Variants in TTC7B observed in about 807,000 individuals in gnomAD.
TTC7B encodes tetratricopeptide repeat domain 7B, also known as tetratricopeptide repeat protein 7B.
In TTC7B, 28 loss-of-function variants were observed where a neutral mutation model predicts 106.8. The ratio of observed to expected loss-of-function variants is 0.26; its 90% CI spans 0.19 to 0.36. The LOEUF (loss-of-function observed/expected upper bound fraction) is 0.36, where lower values mean the gene tolerates loss of function less well. TTC7B is among the 10% of genes least tolerant of loss of function. TTC7B has a pLI of 1.00. For synonymous variants in TTC7B, 405 were observed against 430.6 expected, an observed-to-expected ratio of 0.94 and a Z score of 0.74; for missense variants, 862 against 1,076.4, an observed-to-expected ratio of 0.80 and a Z score of 2.79.
intron 5 of TTC7B, among the ~76,000 whole-genome samples, chr14:90,703,873 G>C (rs1009351388): frequency 1.6e-4 from 24 of 152,230 alleles, no homozygotes; most frequent in African/African-American, 5.8e-4. Context: ...TCAGGAGTGG[G>C]ACCAGATAAC....
intron 5 of TTC7B, among the ~76,000 whole-genome samples, chr14:90,703,927 A>C (rs1423951401): frequency 6.6e-6 from 1 of 152,198 alleles, no homozygotes. Flanking sequence ...GAGAGAAGAC[A>C]AAAAGGGCAA....
At position 90,695,518 on chromosome 14, in the gene TTC7B, C is replaced by T. The variant is rs10146731; in HGVS notation, c.759G>A (p.Thr253=). Residue 253 remains threonine (T), a synonymous_variant, in exon 6 of 20, where the codon ACG becomes ACA. Transcript: ENST00000328459. ...RELLRAVETR[T]TQNLRMTIAR... ...CACTTACCATTCGCAGGTTTTGAGT[C>T]GTTCTTGTTTCAACTGCTCTGAGAA... The T allele has an allele frequency of 0.65, 1,031,126 of 1,588,718 alleles. 336,805 individuals carry two copies. The highest frequency in any genetic ancestry group is 0.71 in the Admixed American group (39,501 of 55,994).
chr14:90,629,915 A>G lies in TTC7B; in HGVS notation c.1752-11870T>C, dbSNP rs188893460. ...CTCCAGCATCTTTGGAAAAAAAACT[A>G]GAAAAGGGAACTTCCCTGGAAAGGA... On this transcript the variant is annotated intron_variant, in intron 15 of 19. Coordinates refer to ENST00000328459, the MANE Select transcript of TTC7B (RefSeq NM_001010854.2). Among the ~76,000 whole-genome samples the G allele has an allele frequency of 1.1e-3, 171 of 152,274 alleles. 3 individuals carry two copies. The highest frequency in any genetic ancestry group is 0.011 in the Admixed American group (169 of 15,290).
At chr14:90,811,698 C>T (rs532227056) in intron 1 of TTC7B, among the ~76,000 whole-genome samples, 25 of 152,328 alleles carry the variant, frequency 1.6e-4, no homozygotes, top group Non-Finnish European at 2.5e-4. Flanking sequence ...CCTACCTACC[C>T]GTCACCACGA....
rs139917797 is a variant in TTC7B, at chr14:90,810,393, G to A, written c.121+5782C>T. On this transcript the variant is annotated intron_variant, in intron 1 of 19. Coordinates refer to ENST00000328459, the MANE Select transcript of TTC7B (RefSeq NM_001010854.2). ...GAAGGTTACCCCCCATAGGAAGCAG[G>A]TGAGCCATGCTTTGAAATCAAGCAA... is the stretch of plus-strand genomic sequence containing the variant. 2.2e-4 allele frequency among the ~76,000 whole-genome samples: 34 copies of A among 152,322 alleles called. 2 individuals carry two copies. The East Asian group carries it at 6.4e-3, about 28-fold the overall frequency.
chr14:90,748,900 T>C (rs1298250567), intron 3 of TTC7B, among the ~76,000 whole-genome samples: 1 of 152,224 alleles, frequency 6.6e-6, no homozygotes, highest in Non-Finnish European at 1.5e-5. Flanking sequence ...GGTATCAACA[T>C]TTCTTGTAGG....
intron 17 of TTC7B, chr14:90,605,832 C>G (rs1021902452): frequency 9.0e-7 from 1 of 1,106,518 alleles, no homozygotes; most frequent in African/African-American, 1.7e-5. Context: ...AAAATAAACT[C>G]GCTTTTAATA....
intron 8 of TTC7B, chr14:90,677,949 T>C (rs994823461): frequency 2.5e-6 from 1 of 392,860 alleles, no homozygotes; most frequent in East Asian, 7.4e-5. Context: ...TAAGTTTTTC[T>C]TGTTAGGAGT....
At chr14:90,749,601 C>A (rs1030364056) in intron 3 of TTC7B, among the ~76,000 whole-genome samples, 1 of 151,970 alleles carries the variant, frequency 6.6e-6, no homozygotes, top group African/African-American at 2.4e-5. Context: ...GATGGGGTTT[C>A]TCCATGTTGG....
At chr14:90,589,771 G>C (rs1029273247) in intron 18 of TTC7B, among the ~76,000 whole-genome samples, 2 of 152,210 alleles carry the variant, frequency 1.3e-5, no homozygotes, top group African/African-American at 4.8e-5. Context: ...GGTATGATAT[G>C]ATTCTACATC....
chr14:90,645,003 G>A (rs1245881605), intron 14 of TTC7B: 1 of 152,220 alleles, frequency 6.6e-6, no homozygotes, highest in Non-Finnish European at 1.5e-5. Flanking sequence ...AAATGGGTAT[G>A]TGACACCCTG....
chr14:90,682,535 G>T (rs560979177), intron 7 of TTC7B, among the ~76,000 whole-genome samples: 1 of 152,324 alleles, frequency 6.6e-6, no homozygotes, highest in South Asian at 2.1e-4. Flanking sequence ...GTTTGCTCAG[G>T]GAAGCATGGA....
At chr14:90,729,673 A>G (rs1309741237) in intron 5 of TTC7B, among the ~76,000 whole-genome samples, 3 of 152,252 alleles carry the variant, frequency 2.0e-5, no homozygotes, top group Admixed American at 6.5e-5. Context: ...AATTCCCTGA[A>G]TGATCAGCCA....
chr14:90,603,489 G>A (rs1892515034), intron 17 of TTC7B, among the ~76,000 whole-genome samples: 1 of 151,912 alleles, frequency 6.6e-6, no homozygotes, highest in Non-Finnish European at 1.5e-5. Context: ...TTAAACAAAA[G>A]AAAGGCCAAC....
At position 90,624,582 on chromosome 14, in the gene TTC7B, G is replaced by C. The variant is rs1487926957; in HGVS notation, c.1752-6537C>G. 6.6e-6 allele frequency among the ~76,000 whole-genome samples: 1 copy of C among 152,236 alleles called. No individual in the cohort carries two copies. Among genetic ancestry groups the C allele is most frequent in the African/African-American group, 2.4e-5 (1 of 41,466 alleles). ...GACTTGGGCAGGGGCCAAAGATAGA[G>C]TGAAAAGGGCAGATATTTCTGAATT... On this transcript the variant is annotated intron_variant, in intron 15 of 19. Coordinates refer to ENST00000328459, the MANE Select transcript of TTC7B (RefSeq NM_001010854.2). The surrounding 1 kb of genome is among the most constrained non-coding windows in gnomAD (Gnocchi z 4.0).
chr14:90,619,562 A>C (rs1893225849), intron 15 of TTC7B, among the ~76,000 whole-genome samples: 1 of 152,234 alleles, frequency 6.6e-6, no homozygotes. Context: ...GTTGTTAATA[A>C]TAAAAAGAAG....
chr14:90,775,166 G>A (rs569774542), intron 3 of TTC7B, among the ~76,000 whole-genome samples: 11 of 152,140 alleles, frequency 7.2e-5, no homozygotes, highest in East Asian at 1.9e-4. Context: ...GAAAAAAGCC[G>A]GCCTCTCCCC....
chr14:90,644,306 G>T, intron 14 of TTC7B, 98 bp from the exon 15 acceptor site: 1 of 1,187,946 alleles, frequency 8.4e-7, no homozygotes, highest in Non-Finnish European at 1.2e-6. Context: ...TCTTTTCAAT[G>T]TCTGCTTCTC....
chr14:90,726,584 A>T (rs1889111944), intron 5 of TTC7B, among the ~76,000 whole-genome samples: 1 of 152,156 alleles, frequency 6.6e-6, no homozygotes, highest in African/African-American at 2.4e-5. Flanking sequence ...AGGTGCTTCC[A>T]TGTGCATATT....
Sources: gnomAD v4.1 joint callset for allele counts (sites outside exome capture counted in the v4.1 genomes callset) on GRCh38, gnomAD v4.1.1 for gene constraint, Gnocchi (gnomAD v3.1) non-coding constraint, MANE v1.5 for transcripts, NCBI Gene and HGNC (gene_info 2026-07-23, HGNC 2026-07-21) for gene names.